GRB14: variants seen among roughly 807,000 people sequenced by gnomAD.
GRB14 encodes growth factor receptor bound protein 14.
GRB14 carries 38 observed loss-of-function variants against 69.1 expected under a neutral mutation model. That is an observed-to-expected ratio of 0.55 (90% confidence interval 0.42 to 0.72). The LOEUF is 0.72. GRB14 is among the 30% of genes least tolerant of loss of function. GRB14 has a pLI of 0.00. For missense variants in GRB14, 666 were observed against 666.1 expected, an observed-to-expected ratio of 1.00 and a Z score of 0.00; for synonymous variants, 247 against 241.3, an observed-to-expected ratio of 1.02 and a Z score of -0.22.
intron 2 of GRB14, among the ~76,000 whole-genome samples, chr2:164,615,631 A>G (rs2105363072): frequency 6.6e-6 from 1 of 152,312 alleles, no homozygotes; most frequent in Non-Finnish European, 1.5e-5. Flanking sequence ...ACGTATCACT[A>G]AAGAAGAATA....
chr2:164,558,018 T>C (rs1688723214), intron 2 of GRB14, among the ~76,000 whole-genome samples: 1 of 152,148 alleles, frequency 6.6e-6, no homozygotes, highest in South Asian at 2.1e-4. Context: ...AAGTTAGCAC[T>C]GTCACACCAG....
chr2:164,604,702 T>A (rs1690004019), intron 2 of GRB14, among the ~76,000 whole-genome samples: 1 of 151,962 alleles, frequency 6.6e-6, no homozygotes, highest in East Asian at 1.9e-4. Context: ...AATCCTAGTA[T>A]TACATTCAAC....
chr2:164,512,785 A>G (rs1687373767), intron 6 of GRB14, among the ~76,000 whole-genome samples: 1 of 152,192 alleles, frequency 6.6e-6, no homozygotes. Flanking sequence ...AAAGTCAGGT[A>G]TAACTATTTT....
At chr2:164,521,757 TGAAATAA>T (rs1687639674) in intron 6 of GRB14, among the ~76,000 whole-genome samples, 1 of 152,092 alleles carries the variant, frequency 6.6e-6, no homozygotes, top group Non-Finnish European at 1.5e-5. Flanking sequence ...TACGTTGTAC[TGAAATAA>T]GAGTATCCAG....
At chr2:164,531,479 T>G (rs1406367759) in intron 3 of GRB14, among the ~76,000 whole-genome samples, 1 of 152,212 alleles carries the variant, frequency 6.6e-6, no homozygotes, top group African/African-American at 2.4e-5. Context: ...AATTCTGCCC[T>G]CATACTACAC....
chr2:164,533,224 CTTTTTTTTTTTT>C (rs537913705), intron 3 of GRB14, among the ~76,000 whole-genome samples: 1 of 80,348 alleles, frequency 1.2e-5, no homozygotes, highest in East Asian at 4.6e-4. Context: ...GTTTCCAATT[CTTTTTTTTTTTT>C]TTTTTTTTTT....
At chr2:164,612,038 T>A (rs1187135602) in intron 2 of GRB14, among the ~76,000 whole-genome samples, 1 of 152,194 alleles carries the variant, frequency 6.6e-6, no homozygotes, top group Non-Finnish European at 1.5e-5. Flanking sequence ...AATGGGCTGA[T>A]ATAACACCCC....
At chr2:164,509,460 T>G (rs1442444970) in intron 6 of GRB14, among the ~76,000 whole-genome samples, 1 of 152,048 alleles carries the variant, frequency 6.6e-6, no homozygotes, top group Non-Finnish European at 1.5e-5. Context: ...CAACGCAAAG[T>G]GGAATCATGA....
chr2:164,522,145 C>T lies in GRB14; in HGVS notation c.679-28G>A, dbSNP rs761477831. Reference sequence around the variant, plus strand: ...GAAAGAAAATTTATATATTTTCAAACTATGATTAAATCAATGATATGGTAG... The same window carrying T: ...GAAAGAAAATTTATATATTTTCAAATTATGATTAAATCAATGATATGGTAG... On this transcript the variant is annotated intron_variant, in intron 5 of 13. Coordinates refer to ENST00000263915, the MANE Select transcript of GRB14 (RefSeq NM_004490.3). 8 of 1,358,362 alleles carry T rather than the reference C, an allele frequency of 5.9e-6. No individual in the cohort carries two copies. The South Asian group carries it at 1.0e-4, about 17-fold the overall frequency. 84.1% of individuals were successfully genotyped at this position (1,358,362 alleles called of 1,614,324 possible).
chr2:164,518,265 G>A (rs1435327350), intron 6 of GRB14, among the ~76,000 whole-genome samples: 1 of 152,172 alleles, frequency 6.6e-6, no homozygotes, highest in Non-Finnish European at 1.5e-5. Flanking sequence ...GCTCCTGAAT[G>A]ATTGTTAGGT....
At position 164,492,761 on chromosome 2, in the gene GRB14, T is replaced by C. The variant is rs1686789794; in HGVS notation, c.*275A>G. On this transcript the variant is annotated 3_prime_UTR_variant, in exon 14 of 14. Transcript: ENST00000263915. ...AAGGGAGACATGTTTTAAATATGCA[T>C]ATTTGAAGAAAATATTATAGCAATG... 3.8e-6 allele frequency: 1 copy of C among 264,760 alleles called. No individual in the cohort carries two copies. Among genetic ancestry groups the C allele is most frequent in the Admixed American group, 5.3e-5 (1 of 19,030 alleles). The allele number at this position is 264,760 out of a possible 1,614,324, so 16.4% of individuals were successfully genotyped here. A position where few individuals can be genotyped will look rare whatever the true frequency, so the allele number is the denominator to read the frequency against.
intron 2 of GRB14, among the ~76,000 whole-genome samples, chr2:164,593,594 A>C (rs935034471): frequency 2.6e-5 from 4 of 152,188 alleles, no homozygotes; most frequent in Admixed American, 6.5e-5. Flanking sequence ...AAAGAGGAAA[A>C]GGAAGAAATC....
chr2:164,583,022 C>T (rs1186595062), intron 2 of GRB14, among the ~76,000 whole-genome samples: 2 of 152,124 alleles, frequency 1.3e-5, no homozygotes, highest in Admixed American at 1.3e-4. Flanking sequence ...AGTCCATTGG[C>T]TTATTTTACT....
chr2:164,495,526 G>T (rs530498087), intron 12 of GRB14, among the ~76,000 whole-genome samples: 81 of 152,292 alleles, frequency 5.3e-4, no homozygotes, highest in Non-Finnish European at 2.9e-5. Flanking sequence ...GCTGCCAGAA[G>T]TGGATTCTTA....
chr2:164,586,846 T>C (rs1393553105), intron 2 of GRB14, among the ~76,000 whole-genome samples: 1 of 152,142 alleles, frequency 6.6e-6, no homozygotes, highest in Non-Finnish European at 1.5e-5. Flanking sequence ...CACTTTATAA[T>C]AATGCAATTG....
chr2:164,509,289 A>G (rs1299503909), intron 6 of GRB14, among the ~76,000 whole-genome samples: 1 of 152,140 alleles, frequency 6.6e-6, no homozygotes, highest in Admixed American at 6.5e-5. Flanking sequence ...GAACAAGACA[A>G]TGATTCCTGC....
intron 2 of GRB14, among the ~76,000 whole-genome samples, chr2:164,587,119 T>C (rs1324400439): frequency 1.3e-5 from 2 of 152,174 alleles, no homozygotes; most frequent in Non-Finnish European, 1.5e-5. Flanking sequence ...ACTGCACAGT[T>C]TCCAGAGAGA....
At chr2:164,516,256 T>C (rs1467527206) in intron 6 of GRB14, among the ~76,000 whole-genome samples, 5 of 151,846 alleles carry the variant, frequency 3.3e-5, no homozygotes, top group East Asian at 1.9e-4. Context: ...CCTAGGGAAA[T>C]AGTCATCAGG....
intron 3 of GRB14, among the ~76,000 whole-genome samples, chr2:164,543,359 A>G (rs1688287422): frequency 6.6e-6 from 1 of 152,152 alleles, no homozygotes; most frequent in South Asian, 2.1e-4. Flanking sequence ...AAGCCATAAA[A>G]AAAAGAATGA....
Sources: allele counts gnomAD v4.1 joint callset (sites outside exome capture counted in the v4.1 genomes callset), GRCh38; gene constraint gnomAD v4.1.1; transcripts MANE v1.5; gene names NCBI Gene and HGNC (gene_info 2026-07-23, HGNC 2026-07-21).